NOL6: variants seen among roughly 807,000 people sequenced by gnomAD.
NOL6 encodes nucleolar protein 6, also known as nucleolar RNA-associated protein.
A neutral mutation model predicts 131.7 loss-of-function variants in NOL6; 33 were observed. That is an observed-to-expected ratio of 0.25 (90% CI 0.19 to 0.33). NOL6 has a LOEUF of 0.33. Ranked by LOEUF, NOL6 falls within the 10% of genes least tolerant of loss-of-function variation. The pLI is 1.00. For missense variants in NOL6, 1,297 were observed against 1,494.5 expected, an observed-to-expected ratio of 0.87 and a Z score of 2.18; for synonymous variants, 580 against 605.7, an observed-to-expected ratio of 0.96 and a Z score of 0.62.
At position 33,467,501 on chromosome 9, in the gene NOL6, C is replaced by T; in HGVS notation, c.1618G>A (p.Asp540Asn). 1 of 1,614,186 alleles carries T rather than the reference C, an allele frequency of 6.2e-7. No individual in the cohort carries two copies. The highest frequency in any genetic ancestry group is 1.3e-5 in the African/African-American group (1 of 75,052). Reference sequence around the variant, plus strand: ...CCAGAGTCTTTGTGCTTTGGTGGATCTTGGCTGATGTCCCACTGCAGGATT... The same window carrying T: ...CCAGAGTCTTTGTGCTTTGGTGGATTTTGGCTGATGTCCCACTGCAGGATT... ...PPVPEWDISQ[D>N]PPKHKDSGTL... The change falls in exon 13 of 26, where the codon GAT becomes AAT. Residue 540 changes from aspartate (D) to asparagine (N), a missense_variant. By Grantham distance (23) the Asp-to-Asn change is conservative. Transcript: ENST00000297990. This position sits in a 1 kb window ranked among gnomAD's most constrained non-coding sequence, Gnocchi z 4.4.
In NOL6 at chr9:33,469,316, T is replaced by C. The variant is rs1185073364; in HGVS notation, c.753A>G (p.Val251=). 1 of 1,614,096 alleles carries C rather than the reference T, an allele frequency of 6.2e-7. No individual in the cohort carries two copies. Among genetic ancestry groups the C allele is most frequent in the Non-Finnish European group, 8.5e-7 (1 of 1,180,016 alleles). The change falls in exon 6 of 26, where the codon GTA becomes GTG. Residue 251 remains valine, a synonymous_variant. Transcript: ENST00000297990. ...CAGGTGGAGGGCACGGATGCAGACG[T>C]ACAGTGACCAGGCGCTCATCCTTTC... ...PRGKDERLVT[V]RLHPCPPPDF... is the part of the protein sequence containing the mutation.
chr9:33,466,027 G>A, intron 18 of NOL6, 44 bp downstream of exon 18: 1 of 1,560,318 alleles, frequency 6.4e-7, no homozygotes, highest in Non-Finnish European at 8.7e-7. Context: ...GACATCCCTG[G>A]TGCCCCCCTT....
At position 33,463,030 on chromosome 9, in the gene NOL6, C is replaced by T. The variant is rs201245745; in HGVS notation, c.3291+3G>A. ...GGAACACAGCTGTCACCAGCCAGCA[C>T]ACCTTGAAGGGCTGCGGCTGGAAGC... On this transcript the variant is annotated splice_donor_region_variant and intron_variant, in intron 25 of 25. Transcript: ENST00000297990. 29 of 1,612,308 alleles carry T rather than the reference C, an allele frequency of 1.8e-5. No individual in the cohort carries two copies. The East Asian group carries it at 3.8e-4, about 21-fold the overall frequency.
Position 33,466,857 on chromosome 9 carries a change from T to G in NOL6, c.1950+55A>C, listed in dbSNP as rs907288511. On this transcript the variant is annotated intron_variant, in intron 15 of 25. Coordinates refer to ENST00000297990, the MANE Select transcript of NOL6 (RefSeq NM_022917.5). ...AAGCTGGCCAAGGCTGAGAGGACTC[T>G]CTCCCCGCAGATTGATTACTCTACA... 7 of 1,589,200 alleles carry G rather than the reference T, an allele frequency of 4.4e-6. No individual in the cohort carries two copies. The African/African-American group carries it at 9.4e-5, about 21-fold the overall frequency.
At position 33,466,633 on chromosome 9, in the gene NOL6, A is replaced by G; in HGVS notation, c.2027T>C (p.Leu676Pro). ...AGACACGGTCAGTGGGAGACCCTCT[A>G]GCCCCCACAGTAGGCGACTGAGGTC... Reference protein sequence around the residue: ...YDDLSRLLWGLEGLPLTVSAV... With the variant: ...YDDLSRLLWGPEGLPLTVSAV... Residue 676 changes from leucine (L) to proline (P), a missense_variant, in exon 16 of 26, where the codon CTA (leucine) becomes CCA (proline). Coordinates refer to ENST00000297990, the MANE Select transcript of NOL6 (RefSeq NM_022917.5). 1 of 1,614,058 alleles carries G rather than the reference A, an allele frequency of 6.2e-7. No individual in the cohort carries two copies. The highest frequency in any genetic ancestry group is 1.1e-5 in the South Asian group (1 of 91,090).
In NOL6 at chr9:33,463,112, A is replaced by C. The variant is rs1455450807; in HGVS notation, c.3212T>G (p.Leu1071Arg). ...QLREAFGDLA[L>R]FFYDQHGGEV... is the part of the protein sequence containing the mutation. ...TCCACCATGCTGGTCATAGAAGAAAAGGGCCAGATCCCCAAAGGCCTCCTA... is the reference window on the plus strand; with the variant it reads ...TCCACCATGCTGGTCATAGAAGAAACGGGCCAGATCCCCAAAGGCCTCCTA... The change falls in exon 25 of 26, where the codon CTT becomes CGT. Residue 1071 changes from leucine (L) to arginine (R), a missense_variant. Transcript: ENST00000297990. The C allele has an allele frequency of 1.2e-6, 2 of 1,613,560 alleles. No homozygotes were observed. The highest frequency in any genetic ancestry group is 2.7e-5 in the African/African-American group (2 of 74,910).
In NOL6 at chr9:33,466,516, G is replaced by A. The variant is rs199670771; in HGVS notation, c.2091+53C>T. 1.1e-3 allele frequency: 1,794 copies of A among 1,612,518 alleles called. 4 individuals carry two copies. Among genetic ancestry groups the A allele is most frequent in the Non-Finnish European group, 1.4e-3 (1,628 of 1,178,754 alleles). ...GGAAGTGGGGAATACTGGGTGACTG[G>A]AGCAGAGGTGGGGCCACTAAGCAGA... On this transcript the variant is annotated intron_variant, in intron 16 of 25. Transcript: ENST00000297990.
intron 4 of NOL6, 52 bp downstream of exon 4, chr9:33,469,960 A>G (rs772477493): frequency 1.4e-6 from 2 of 1,475,388 alleles, no homozygotes; most frequent in Non-Finnish European, 1.8e-6. Context: ...GGGATCCAGG[A>G]TTTGTAGGTA....
Position 33,463,834 on chromosome 9 carries a change from G to A in NOL6, c.2991C>T (p.Ile997=), listed in dbSNP as rs780474715. The change falls in exon 23 of 26, where the codon ATC becomes ATT. Residue 997 remains isoleucine (I), a synonymous_variant. Transcript: ENST00000297990. ...TCACTGCTGGTCAGAAGCTTACCCT[G>A]ATGTCCCCAGGTCCCCGGGGATCCA... The part of the protein sequence containing the change: ...QLMDPRGPGD[I]RTVFRPPLDI... The A allele has an allele frequency of 7.2e-5, 116 of 1,613,852 alleles. No homozygotes were observed. The highest frequency in any genetic ancestry group is 1.2e-4 in the African/African-American group (9 of 74,902).
chr9:33,469,173 C>T, intron 6 of NOL6, 34 bp downstream of exon 6: 3 of 1,614,148 alleles, frequency 1.9e-6, no homozygotes, highest in Non-Finnish European at 2.5e-6. Context: ...CACCTCTTCC[C>T]TCCAGCTCCA....
intron 4 of NOL6, 89 bp downstream of exon 4, chr9:33,469,923 C>A: frequency 7.4e-7 from 1 of 1,350,462 alleles, no homozygotes; most frequent in Non-Finnish European, 1.0e-6. Context: ...TGACTTCAAT[C>A]CCCTGGCAAG....
rs149936727 is a variant in NOL6, at chr9:33,464,140, C to T, written c.2801G>A (p.Arg934His). 15 of 1,609,780 alleles carry T rather than the reference C, an allele frequency of 9.3e-6. No individual in the cohort carries two copies. Among genetic ancestry groups the T allele is most frequent in the South Asian group, 7.8e-5 (7 of 90,306 alleles). Residue 934 changes from arginine to histidine, a missense_variant, in exon 22 of 26, where the codon CGC becomes CAC. Arg to His is a conservative substitution (Grantham distance 29). Coordinates refer to ENST00000297990, the MANE Select transcript of NOL6 (RefSeq NM_022917.5). ...ELTVEEQVEI[R>H]SGFLAARAQL... ...TGCCCGAGCTGCCAGGAAGCCACTG[C>T]GGATCTCCACCTGCTCCTCCACTAG...
chr9:33,472,148 T>A (rs1370520174), intron 2 of NOL6, 28 bp from the exon 3 acceptor site: 26 of 1,613,250 alleles, frequency 1.6e-5, no homozygotes, highest in Non-Finnish European at 2.1e-5. Context: ...AGACAGTCCA[T>A]CAGCCTCAGG....
intron 5 of NOL6, 76 bp downstream of exon 5, chr9:33,469,423 G>T: frequency 6.2e-7 from 1 of 1,601,026 alleles, no homozygotes; most frequent in Admixed American, 1.7e-5. Context: ...CATACTTGAG[G>T]CCTCCGTGCC....
At position 33,463,861 on chromosome 9, in the gene NOL6, G is replaced by A. The variant is rs751471771; in HGVS notation, c.2964C>T (p.Leu988=). Residue 988 remains leucine (L), a synonymous_variant, in exon 23 of 26, where the codon CTC becomes CTT. Transcript: ENST00000297990. ...TGTCCCCAGGTCCCCGGGGATCCAT[G>A]AGCTGCTTCTCTAACATGGGCAGGG... ...AEALPMLEKQ[L]MDPRGPGDIR... 5 of 1,613,996 alleles carry A rather than the reference G, an allele frequency of 3.1e-6. No homozygotes were observed. Among genetic ancestry groups the A allele is most frequent in the African/African-American group, 2.7e-5 (2 of 74,896 alleles).
rs1827109336 is a variant in NOL6 at position 33,462,112 on chromosome 9, T to C, written c.*552A>G. 1.4e-6 allele frequency: 1 copy of C among 717,046 alleles called. No homozygotes were observed. The highest frequency in any genetic ancestry group is 2.6e-6 in the Non-Finnish European group (1 of 384,846). The allele number at this position is 717,046 out of a possible 1,614,324, so 44.4% of individuals were successfully genotyped here. A position where few individuals can be genotyped will look rare whatever the true frequency, so the allele number is the denominator to read the frequency against. ...AAGTGGCATCAACACAGGAGGGCAT[T>C]GTGCTCCTTCAATGTGGTCTATTCA... On this transcript the variant is annotated 3_prime_UTR_variant, in exon 26 of 26. Coordinates refer to ENST00000297990, the MANE Select transcript of NOL6 (RefSeq NM_022917.5).
At chr9:33,466,873 TTACTC>T (rs373073684) in intron 15 of NOL6, 34 bp downstream of exon 15, 41 of 1,600,838 alleles carry the variant, frequency 2.6e-5, no homozygotes, top group Middle Eastern at 3.3e-4. Context: ...CGCAGATTGA[TTACTC>T]TACAATCACT....
At position 33,464,174 on chromosome 9, in the gene NOL6, A is replaced by T. The variant is rs772392208; in HGVS notation, c.2780-13T>A. The T allele has an allele frequency of 5.6e-6, 9 of 1,599,682 alleles. No homozygotes were observed. The highest frequency in any genetic ancestry group is 7.7e-6 in the Non-Finnish European group (9 of 1,172,932). On this transcript the variant is annotated splice_polypyrimidine_tract_variant and intron_variant, in intron 21 of 25. Transcript: ENST00000297990. Reference sequence around the variant, plus strand: ...ACCTGCTCCTCCACTAGAGACAAGAATGGGTCCTGGGTCAGCCTGCTCCTC... The same window carrying T: ...ACCTGCTCCTCCACTAGAGACAAGATTGGGTCCTGGGTCAGCCTGCTCCTC...
rs928453178 is a variant in NOL6, at chr9:33,462,294, A to G, written c.*370T>C. On this transcript the variant is annotated 3_prime_UTR_variant, in exon 26 of 26. Coordinates refer to ENST00000297990, the MANE Select transcript of NOL6 (RefSeq NM_022917.5). ...GCAGGAAGGAGACAGAGCCTCTCCC[A>G]GGCACACATCCCCTTCTCTGTTTCT... 1.4e-6 allele frequency: 1 copy of G among 710,200 alleles called. No individual in the cohort carries two copies. The highest frequency in any genetic ancestry group is 2.0e-5 in the Admixed American group (1 of 49,694). 44.0% of individuals were successfully genotyped at this position (710,200 alleles called of 1,614,324 possible).
Sources: gnomAD v4.1 joint callset for allele counts on GRCh38, gnomAD v4.1.1 for gene constraint, Gnocchi (gnomAD v3.1) non-coding constraint, MANE v1.5 for transcripts, NCBI Gene and HGNC (gene_info 2026-07-23, HGNC 2026-07-21) for gene names.